The following RALGPS1 variants were observed in gnomAD, a reference collection of about 807,000 sequenced individuals.
RALGPS1 encodes ras-specific guanine nucleotide-releasing factor RalGPS1.
Under a neutral mutation model 78.8 loss-of-function variants are expected in RALGPS1, and 19 were observed. The observed-to-expected ratio is 0.24, with a 90% CI of 0.17 to 0.35. The LOEUF (loss-of-function observed/expected upper bound fraction) is 0.35. Among genes scored for constraint, RALGPS1 ranks in the 10% least tolerant of loss-of-function variants. The probability of loss-of-function intolerance (pLI) is 1.00; values close to 1 mark genes in which losing one functional copy is unlikely to be tolerated. For missense variants in RALGPS1, 454 were observed against 688.3 expected, an observed-to-expected ratio of 0.66 and a Z score of 3.81; for synonymous variants, 228 against 256.3, an observed-to-expected ratio of 0.89 and a Z score of 1.06.
chr9:127,188,543 C>T (rs2060813260), intron 11 of RALGPS1, among the ~76,000 whole-genome samples: 1 of 152,096 alleles, frequency 6.6e-6, no homozygotes, highest in Non-Finnish European at 1.5e-5. Flanking sequence ...GAGAGCCTCT[C>T]CTCTCTCCTG....
chr9:127,209,646 G>C (rs571130389), intron 14 of RALGPS1, among the ~76,000 whole-genome samples: 1 of 152,294 alleles, frequency 6.6e-6, no homozygotes, highest in Admixed American at 6.5e-5. Context: ...AGCCGTCCCA[G>C]CTAACCATCA....
Position 127,052,959 on chromosome 9 carries a change from T to G in RALGPS1, c.483+20T>G. 2.0e-6 allele frequency: 3 copies of G among 1,501,144 alleles called. No individual in the cohort carries two copies. Among genetic ancestry groups the G allele is most frequent in the Non-Finnish European group, 2.8e-6 (3 of 1,078,834 alleles). 93.0% of individuals were successfully genotyped at this position (1,501,144 alleles called of 1,614,324 possible). On this transcript the variant is annotated intron_variant, in intron 7 of 18. Coordinates refer to ENST00000259351, the MANE Select transcript of RALGPS1 (RefSeq NM_014636.3). ...TGGGCTGTAAGTTAATCTCCCTAAG[T>G]CTATCTAATTTTGGCTATCATTTCA...
At chr9:127,064,367 CAT>C (rs903200899) in intron 7 of RALGPS1, among the ~76,000 whole-genome samples, 17 of 152,164 alleles carry the variant, frequency 1.1e-4, no homozygotes, top group Non-Finnish European at 7.3e-5. Flanking sequence ...AAGCTTAAAA[CAT>C]GTGAGTAAAT....
chr9:127,203,612 C>G (rs1326108025), intron 14 of RALGPS1, among the ~76,000 whole-genome samples: 1 of 152,178 alleles, frequency 6.6e-6, no homozygotes, highest in African/African-American at 2.4e-5. Flanking sequence ...GTGCACAACC[C>G]TCTCTGAAGC....
At chr9:126,990,195 G>A (rs1357579102) in intron 4 of RALGPS1, 5 of 639,306 alleles carry the variant, frequency 7.8e-6, no homozygotes, top group Non-Finnish European at 1.3e-5. Flanking sequence ...TGGTTTCCCT[G>A]ACATCATTAA....
intron 11 of RALGPS1, among the ~76,000 whole-genome samples, chr9:127,194,571 C>T (rs1302870225): frequency 6.6e-6 from 1 of 152,216 alleles, no homozygotes; most frequent in African/African-American, 2.4e-5. Flanking sequence ...CGCCACCACA[C>T]CCGGTGGATT....
intron 11 of RALGPS1, chr9:127,184,322 G>GAA (rs1339192496): frequency 3.8e-3 from 815 of 215,338 alleles, no homozygotes; most frequent in South Asian, 8.2e-3. Flanking sequence ...CTTGTCTCAG[G>GAA]AAAAAAAAAA....
chr9:127,109,571 C>T (rs778248481), intron 8 of RALGPS1, among the ~76,000 whole-genome samples: 4 of 152,286 alleles, frequency 2.6e-5, no homozygotes, highest in African/African-American at 9.6e-5. Context: ...ACCACTGCAA[C>T]GTGATTAAGT....
intron 8 of RALGPS1, among the ~76,000 whole-genome samples, chr9:127,127,456 G>C (rs1199737911): frequency 2.6e-5 from 4 of 152,130 alleles, no homozygotes; most frequent in African/African-American, 9.7e-5. Flanking sequence ...TTCTGCTGTT[G>C]GTGCTCTGCC....
chr9:127,210,779 GTA>G (rs1263007416), intron 14 of RALGPS1: 1 of 1,548,554 alleles, frequency 6.5e-7, no homozygotes, highest in Admixed American at 2.0e-5. Context: ...GTGTCTACAG[GTA>G]TTCATGTGTT....
chr9:126,992,335 C>T (rs961653011), intron 4 of RALGPS1, among the ~76,000 whole-genome samples: 10 of 152,096 alleles, frequency 6.6e-5, no homozygotes, highest in Non-Finnish European at 1.5e-4. Flanking sequence ...TCTGTAAAAC[C>T]ATCACCATCT....
At chr9:127,028,518 T>C (rs2046150510) in intron 4 of RALGPS1, among the ~76,000 whole-genome samples, 1 of 152,174 alleles carries the variant, frequency 6.6e-6, no homozygotes, top group South Asian at 2.1e-4. Context: ...GTGCTTCCCT[T>C]TGGCTGGGCC....
At chr9:127,013,076 T>C (rs1471669463) in intron 4 of RALGPS1, among the ~76,000 whole-genome samples, 1 of 152,094 alleles carries the variant, frequency 6.6e-6, no homozygotes, top group Non-Finnish European at 1.5e-5. Context: ...CCTGGAGAAT[T>C]GGTATAATTT....
intron 8 of RALGPS1, among the ~76,000 whole-genome samples, chr9:127,134,100 G>T (rs887625634): frequency 5.9e-5 from 9 of 152,018 alleles, no homozygotes; most frequent in African/African-American, 2.2e-4. Context: ...TGCAGCAGGC[G>T]CCGGGAGACA....
chr9:127,000,111 T>C (rs2043152754), intron 4 of RALGPS1, among the ~76,000 whole-genome samples: 1 of 152,202 alleles, frequency 6.6e-6, no homozygotes, highest in Non-Finnish European at 1.5e-5. Flanking sequence ...TTTCCCCTGG[T>C]CAGTCCAGCT....
chr9:126,955,194 T>G (rs944983837), intron 1 of RALGPS1, among the ~76,000 whole-genome samples: 2 of 152,238 alleles, frequency 1.3e-5, no homozygotes, highest in African/African-American at 4.8e-5. Flanking sequence ...CTTTGTTATG[T>G]TTATTTTCTG....
intron 11 of RALGPS1, among the ~76,000 whole-genome samples, chr9:127,193,083 T>C (rs901770866): frequency 2.0e-5 from 3 of 152,074 alleles, no homozygotes; most frequent in African/African-American, 7.2e-5. Context: ...AAAGAGAGAC[T>C]AGAGCTTGCC....
intron 11 of RALGPS1, among the ~76,000 whole-genome samples, chr9:127,188,548 C>T (rs887836273): frequency 6.6e-6 from 1 of 152,124 alleles, no homozygotes; most frequent in African/African-American, 2.4e-5. Context: ...CCTCTCCTCT[C>T]TCCTGCCACC....
chr9:127,088,959 T>G, intron 8 of RALGPS1: 1 of 1,614,174 alleles, frequency 6.2e-7, no homozygotes, highest in Non-Finnish European at 8.5e-7. Context: ...GTGTTGGGGT[T>G]CGGTCGGATC....
Sources: gnomAD v4.1 joint callset for allele counts (sites outside exome capture counted in the v4.1 genomes callset) on GRCh38, gnomAD v4.1.1 for gene constraint, MANE v1.5 for transcripts, NCBI Gene and HGNC (gene_info 2026-07-23, HGNC 2026-07-21) for gene names.